The following UHRF2 variants were observed in gnomAD, a reference collection of about 807,000 sequenced individuals.
The protein encoded by UHRF2 is E3 ubiquitin-protein ligase UHRF2.
A neutral mutation model predicts 96.8 loss-of-function variants in UHRF2; 23 were observed. The ratio of observed to expected loss-of-function variants is 0.24; its 90% CI spans 0.17 to 0.34. UHRF2 has a LOEUF of 0.34. Ranked by LOEUF, UHRF2 falls within the 10% of genes least tolerant of loss-of-function variation. The pLI is 1.00. For synonymous variants in UHRF2, 385 were observed against 332.6 expected (o/e 1.16, Z -1.72); for missense variants, 685 against 981.5 (o/e 0.70, Z 4.04).
intron 1 of UHRF2, among the ~76,000 whole-genome samples, chr9:6,417,508 A>G (rs1463764353): frequency 6.6e-6 from 1 of 152,216 alleles, no homozygotes; most frequent in Non-Finnish European, 1.5e-5. Context: ...ATGTGGAAGA[A>G]CTTCGGTACT....
chr9:6,477,876 C>G (rs900382152), intron 6 of UHRF2, 68 bp downstream of exon 6: 2 of 1,353,268 alleles, frequency 1.5e-6, no homozygotes, highest in African/African-American at 2.9e-5. Context: ...TTTGAACCAC[C>G]AAAAGTAGAT....
At chr9:6,445,797 C>G (rs1821449898) in intron 3 of UHRF2, among the ~76,000 whole-genome samples, 2 of 152,042 alleles carry the variant, frequency 1.3e-5, no homozygotes, top group African/African-American at 4.8e-5. Flanking sequence ...CTCCTGGGCT[C>G]AAGCAGTCCT....
intron 4 of UHRF2, among the ~76,000 whole-genome samples, chr9:6,464,598 G>A (rs534845126): frequency 6.6e-6 from 1 of 152,142 alleles, no homozygotes; most frequent in South Asian, 2.1e-4. Flanking sequence ...GTGTGAGTGA[G>A]GTAAGGGTCT....
intron 3 of UHRF2, among the ~76,000 whole-genome samples, chr9:6,434,514 C>G (rs1376178144): frequency 6.6e-6 from 1 of 152,182 alleles, no homozygotes; most frequent in African/African-American, 2.4e-5. Context: ...TCTCGCCTCA[C>G]TGCAACCTCA....
Position 6,456,973 on chromosome 9 carries a change from A to T in UHRF2, c.645-3600A>T, listed in dbSNP as rs573966131. ...ACCAGCTTTGTTCTTTTTGCTTAGG[A>T]TAGTCTTGGCTATACGGGCTCTTTT... On this transcript the variant is annotated intron_variant, in intron 3 of 15. Transcript: ENST00000276893. 3.1e-4 allele frequency among the ~76,000 whole-genome samples: 47 copies of T among 152,250 alleles called. 1 individual carries two copies. The South Asian group carries it at 9.3e-3, about 30-fold the overall frequency.
At chr9:6,453,704 A>C (rs1167695621) in intron 3 of UHRF2, among the ~76,000 whole-genome samples, 1 of 152,136 alleles carries the variant, frequency 6.6e-6, no homozygotes, top group Non-Finnish European at 1.5e-5. Context: ...GGAGATTGAG[A>C]CCATCCTGGC....
In UHRF2 at chr9:6,506,207, G is replaced by A. The variant is rs1816574317; in HGVS notation, c.*28G>A. On this transcript the variant is annotated 3_prime_UTR_variant, in exon 16 of 16. Coordinates refer to ENST00000276893, the MANE Select transcript of UHRF2 (RefSeq NM_152896.3). ...TGCCTGCTTTCACTGTGTTGTTCAT[G>A]GTGGCTTTTTGGACAATAAAGAATC... 6.2e-7 allele frequency: 1 copy of A among 1,611,348 alleles called. No homozygotes were observed. The highest frequency in any genetic ancestry group is 8.5e-7 in the Non-Finnish European group (1 of 1,178,446).
chr9:6,447,770 C>CT (rs1159282522), intron 3 of UHRF2, among the ~76,000 whole-genome samples: 2 of 152,126 alleles, frequency 1.3e-5, no homozygotes, highest in Non-Finnish European at 2.9e-5. Flanking sequence ...AGGCACAACA[C>CT]TAATTAACAT....
chr9:6,461,235 C>G (rs1216999309), intron 4 of UHRF2, among the ~76,000 whole-genome samples: 1 of 152,124 alleles, frequency 6.6e-6, no homozygotes, highest in Non-Finnish European at 1.5e-5. Flanking sequence ...AGAATTTAAA[C>G]TTAATGAAGA....
intron 11 of UHRF2, among the ~76,000 whole-genome samples, chr9:6,497,634 G>A (rs1229658287): frequency 6.6e-6 from 1 of 151,782 alleles, no homozygotes; most frequent in African/African-American, 2.4e-5. Context: ...TTAAGTAACT[G>A]GCTGTTGTAT....
chr9:6,419,096 CCT>C (rs924781190), intron 1 of UHRF2, among the ~76,000 whole-genome samples: 12 of 152,268 alleles, frequency 7.9e-5, no homozygotes, highest in African/African-American at 2.9e-4. Context: ...AACTTAATTA[CCT>C]CTCTAAAGAC....
intron 2 of UHRF2, 104 bp from the exon 3 acceptor site, chr9:6,433,810 A>G: frequency 8.3e-7 from 1 of 1,211,546 alleles, no homozygotes; most frequent in Non-Finnish European, 1.1e-6. Context: ...AGTAGCTGCA[A>G]ATATTGTTTA....
intron 8 of UHRF2, among the ~76,000 whole-genome samples, chr9:6,482,378 C>T (rs1823977794): frequency 6.6e-6 from 1 of 152,068 alleles, no homozygotes; most frequent in Non-Finnish European, 1.5e-5. Context: ...CCTTTCCTGC[C>T]AAAAATTTAG....
intron 4 of UHRF2, among the ~76,000 whole-genome samples, chr9:6,467,939 G>T (rs1440544489): frequency 6.6e-6 from 1 of 152,000 alleles, no homozygotes; most frequent in Non-Finnish European, 1.5e-5. Context: ...GTGAGAATGG[G>T]TTGGTGTCTA....
intron 3 of UHRF2, among the ~76,000 whole-genome samples, chr9:6,442,276 A>T (rs764277775): frequency 1.3e-5 from 2 of 152,116 alleles, no homozygotes; most frequent in Non-Finnish European, 2.9e-5. Flanking sequence ...TCCTTCTAAG[A>T]CAAGCTTCCT....
intron 3 of UHRF2, among the ~76,000 whole-genome samples, chr9:6,442,222 C>T (rs1821210437): frequency 6.6e-6 from 1 of 152,142 alleles, no homozygotes; most frequent in African/African-American, 2.4e-5. Context: ...CCTCAGCCTC[C>T]CAAAGTGCTG....
chr9:6,450,254 C>G (rs1163398130), intron 3 of UHRF2, among the ~76,000 whole-genome samples: 4 of 151,646 alleles, frequency 2.6e-5, no homozygotes, highest in Non-Finnish European at 4.4e-5. Flanking sequence ...AAAACAAACC[C>G]CACCCATTAC....
intron 3 of UHRF2, among the ~76,000 whole-genome samples, chr9:6,451,948 C>T (rs1821897930): frequency 6.6e-6 from 1 of 152,012 alleles, no homozygotes; most frequent in Non-Finnish European, 1.5e-5. Context: ...TTGGTTTACG[C>T]TTCTGTTTTA....
At chr9:6,501,088 A>G (rs925304659) in intron 14 of UHRF2, among the ~76,000 whole-genome samples, 4 of 152,222 alleles carry the variant, frequency 2.6e-5, no homozygotes, top group Admixed American at 1.3e-4. Context: ...TTCAAAACCT[A>G]CATGTTAAAC....
Sources: gnomAD v4.1 joint callset for allele counts (sites outside exome capture counted in the v4.1 genomes callset) on GRCh38, gnomAD v4.1.1 for gene constraint, MANE v1.5 for transcripts, NCBI Gene and HGNC (gene_info 2026-07-23, HGNC 2026-07-21) for gene names.